The following R3HCC1L variants were observed in gnomAD, a reference collection of about 807,000 sequenced individuals.
R3HCC1L encodes R3H domain and coiled-coil containing 1 like, also known as coiled-coil domain-containing protein R3HCC1L.
A neutral mutation model predicts 59.9 loss-of-function variants in R3HCC1L; 51 were observed. The ratio of observed to expected loss-of-function variants is 0.85; its 90% confidence interval spans 0.68 to 1.07. The LOEUF is 1.07. Ranked by LOEUF, R3HCC1L falls within the 50% of genes least tolerant of loss-of-function variation. The pLI is 0.00. For missense variants in R3HCC1L, 965 were observed against 933.0 expected, an observed-to-expected ratio of 1.03 and a Z score of -0.45; for synonymous variants, 322 against 315.2, an observed-to-expected ratio of 1.02 and a Z score of -0.23.
At chr10:98,135,610 G>A (rs774269265) in intron 1 of R3HCC1L, among the ~76,000 whole-genome samples, 188 of 152,322 alleles carry the variant, frequency 1.2e-3, no homozygotes, top group Middle Eastern at 6.8e-3. Flanking sequence ...AGTGTCTTTG[G>A]AAACGAATCT....
intron 5 of R3HCC1L, among the ~76,000 whole-genome samples, chr10:98,228,207 A>T (rs1226358058): frequency 2.0e-5 from 3 of 152,186 alleles, no homozygotes; most frequent in Non-Finnish European, 4.4e-5. Flanking sequence ...CAACAGTGTA[A>T]AAGTGTTCCT....
At chr10:98,154,926 T>G (rs986055649) in intron 1 of R3HCC1L, among the ~76,000 whole-genome samples, 6 of 152,218 alleles carry the variant, frequency 3.9e-5, no homozygotes, top group Non-Finnish European at 5.9e-5. Context: ...GAAAAAAATA[T>G]CCGTATATAT....
Position 98,171,073 on chromosome 10 carries a change from A to C in R3HCC1L, c.-15+7676A>C, listed in dbSNP as rs190238479. ...TTCCCCAAAACACATAGGCATGCAC[A>C]CAACACTTAACCCTCATTGCCTTCA... On this transcript the variant is annotated intron_variant, in intron 4 of 9. Transcript: ENST00000298999. Among the ~76,000 whole-genome samples, 398 of 152,304 alleles carry C rather than the reference A, an allele frequency of 2.6e-3. 3 individuals are homozygous for C. The highest frequency in any genetic ancestry group is 7.9e-3 in the African/African-American group (330 of 41,568).
At chr10:98,159,913 A>G (rs1847236963) in intron 2 of R3HCC1L, among the ~76,000 whole-genome samples, 1 of 152,142 alleles carries the variant, frequency 6.6e-6, no homozygotes, top group South Asian at 2.1e-4. Context: ...CTCAGCTGAC[A>G]TCTGGGAAAT....
In R3HCC1L at chr10:98,209,544, A is replaced by T. The variant is rs147690385; in HGVS notation, c.1430A>T (p.Lys477Met). 6 of 1,613,862 alleles carry T rather than the reference A, an allele frequency of 3.7e-6. No homozygotes were observed. Among genetic ancestry groups the T allele is most frequent in the Non-Finnish European group, 5.1e-6 (6 of 1,179,976 alleles). The change falls in exon 5 of 10, where the codon AAG becomes ATG. Residue 477 changes from lysine to methionine, a missense_variant. Physicochemically the swap from Lys to Met is moderately conservative, Grantham distance 95 (BLOSUM62 -1). Coordinates refer to ENST00000298999, the MANE Select transcript of R3HCC1L (RefSeq NM_001351015.2). ...TGTGCTTCCTCCTTACCTATAAAAA[A>T]GATTGCTGGTAGTAATTATAACACT... The part of the protein sequence containing the change: ...SDCASSLPIK[K>M]IAGSNYNTFL...
chr10:98,179,359 T>G (rs1377128514), intron 4 of R3HCC1L, among the ~76,000 whole-genome samples: 1 of 152,178 alleles, frequency 6.6e-6, no homozygotes, highest in Non-Finnish European at 1.5e-5. Flanking sequence ...ATGTGATGGA[T>G]TACATTTATT....
At chr10:98,230,785 T>C (rs572364138) in intron 5 of R3HCC1L, among the ~76,000 whole-genome samples, 2 of 152,254 alleles carry the variant, frequency 1.3e-5, no homozygotes, top group South Asian at 4.1e-4. Context: ...ATGACTGTCA[T>C]GGCTTTGCTG....
intron 1 of R3HCC1L, among the ~76,000 whole-genome samples, chr10:98,150,186 T>G (rs1378159245): frequency 6.6e-6 from 1 of 152,228 alleles, no homozygotes; most frequent in Non-Finnish European, 1.5e-5. Flanking sequence ...CCAATCTGTT[T>G]CTGAATTGCT....
chr10:98,220,848 T>C (rs1309798697), intron 5 of R3HCC1L, among the ~76,000 whole-genome samples: 1 of 147,996 alleles, frequency 6.8e-6, no homozygotes, highest in Non-Finnish European at 1.5e-5. Flanking sequence ...TACGTGTGCA[T>C]GTGTCTTTAT....
chr10:98,209,026 T>TA lies in R3HCC1L; in HGVS notation c.913dup (p.Thr305AsnfsTer19). The TA allele has an allele frequency of 2.5e-6, 4 of 1,613,890 alleles. No homozygotes were observed. Among genetic ancestry groups the TA allele is most frequent in the South Asian group, 1.1e-5 (1 of 91,080 alleles). Reference sequence around the variant, plus strand: ...CAGGTTTCATCTTAGATCAAAAAGATACAGATTCCATTCCTGCAACTATGG... The same window carrying TA: ...CAGGTTTCATCTTAGATCAAAAAGATAACAGATTCCATTCCTGCAACTATGG... On this transcript the variant is annotated frameshift_variant, in exon 5 of 10. Coordinates refer to ENST00000298999, the MANE Select transcript of R3HCC1L (RefSeq NM_001351015.2). LOFTEE classifies it high-confidence loss of function.
At chr10:98,163,807 T>C (rs1847672041) in intron 4 of R3HCC1L, among the ~76,000 whole-genome samples, 1 of 152,234 alleles carries the variant, frequency 6.6e-6, no homozygotes, top group Non-Finnish European at 1.5e-5. Context: ...TCAGGAAGAA[T>C]AGATGGTCAT....
chr10:98,144,361 G>T (rs1377137943), intron 1 of R3HCC1L, among the ~76,000 whole-genome samples: 1 of 151,898 alleles, frequency 6.6e-6, no homozygotes, highest in Non-Finnish European at 1.5e-5. Context: ...GATTACAGGG[G>T]CGCACCACCA....
chr10:98,138,768 G>C (rs1844837781), intron 1 of R3HCC1L, among the ~76,000 whole-genome samples: 1 of 152,084 alleles, frequency 6.6e-6, no homozygotes, highest in African/African-American at 2.4e-5. Flanking sequence ...AGTCAAGACA[G>C]ACCAAGGTCT....
Position 98,200,532 on chromosome 10 carries a change from T to C in R3HCC1L, c.-14-7569T>C, listed in dbSNP as rs185318344. 4.6e-5 allele frequency among the ~76,000 whole-genome samples: 7 copies of C among 152,274 alleles called. No homozygotes were observed. The East Asian group carries it at 1.3e-3, about 29-fold the overall frequency. On this transcript the variant is annotated intron_variant, in intron 4 of 9. Transcript: ENST00000298999. ...GTAATCTGCTCAGTGTGCCTATAAG[T>C]CTGTTATTATCCCCATTTTATGCAT...
intron 9 of R3HCC1L, among the ~76,000 whole-genome samples, chr10:98,242,232 A>G (rs752420631): frequency 1.2e-4 from 18 of 152,262 alleles, no homozygotes; most frequent in Non-Finnish European, 2.4e-4. Flanking sequence ...CTGTTACTCA[A>G]GAGCTACTCA....
chr10:98,209,366 A>T lies in R3HCC1L; in HGVS notation c.1252A>T (p.Met418Leu). ...ACGAAGTTTCTCAAAGTTTGTAGGA[A>T]TGAGTGCAGATGCAACCCCTCTTCA... ...NTRSFSKFVGMSADATPLHVA... is the reference protein window; with the variant it reads ...NTRSFSKFVGLSADATPLHVA... The change falls in exon 5 of 10, where the codon ATG becomes TTG. Residue 418 changes from methionine (M) to leucine (L), a missense_variant. Physicochemically the swap from Met to Leu is conservative, Grantham distance 15 (BLOSUM62 2). Coordinates refer to ENST00000298999, the MANE Select transcript of R3HCC1L (RefSeq NM_001351015.2). The T allele has an allele frequency of 6.2e-7, 1 of 1,613,994 alleles. No homozygotes were observed. Among genetic ancestry groups the T allele is most frequent in the Non-Finnish European group, 8.5e-7 (1 of 1,179,996 alleles).
rs1853350937 is a variant in R3HCC1L at position 98,209,873 on chromosome 10, T to G, written c.1759T>G (p.Cys587Gly). 6.2e-7 allele frequency: 1 copy of G among 1,612,504 alleles called. No homozygotes were observed. Among genetic ancestry groups the G allele is most frequent in the Admixed American group, 1.7e-5 (1 of 59,952 alleles). Residue 587 changes from cysteine to glycine, a missense_variant, in exon 5 of 10, where the codon TGC (cysteine) becomes GGC (glycine). Coordinates refer to ENST00000298999, the MANE Select transcript of R3HCC1L (RefSeq NM_001351015.2). ...GTCTATGTTTAACGATGATGGTGAC[T>G]GCCTGGATCCACGTCTTCTACAAGA... is the stretch of plus-strand genomic sequence containing the variant. ...WESMFNDDGDCLDPRLLQELS... is the reference protein window; with the variant it reads ...WESMFNDDGDGLDPRLLQELS...
At chr10:98,194,311 T>G (rs1017089825) in intron 4 of R3HCC1L, among the ~76,000 whole-genome samples, 1 of 151,986 alleles carries the variant, frequency 6.6e-6, no homozygotes, top group Admixed American at 6.6e-5. Context: ...TATACAAAAT[T>G]TAATTAAAAA....
At chr10:98,243,980 C>A (rs1857826299) in intron 9 of R3HCC1L, 111 bp from the exon 10 acceptor site, 1 of 848,298 alleles carries the variant, frequency 1.2e-6, no homozygotes, top group Non-Finnish European at 2.0e-6. Flanking sequence ...GTAAGAGAGA[C>A]CAGGATATCC....
Sources: gnomAD v4.1 joint callset for allele counts (sites outside exome capture counted in the v4.1 genomes callset) on GRCh38, gnomAD v4.1.1 for gene constraint, MANE v1.5 for transcripts, NCBI Gene and HGNC (gene_info 2026-07-23, HGNC 2026-07-21) for gene names.